VPS13B: variants seen among roughly 807,000 people sequenced by gnomAD.
VPS13B encodes vacuolar protein sorting 13 homolog B.
A neutral mutation model predicts 426.4 loss-of-function variants in VPS13B; 285 were observed. The observed-to-expected ratio is 0.67, with a 90% confidence interval of 0.61 to 0.74. The LOEUF (loss-of-function observed/expected upper bound fraction) is 0.74, where lower values mean the gene tolerates loss of function less well. Ranked by LOEUF, VPS13B falls within the 30% of genes least tolerant of loss-of-function variation. The probability of loss-of-function intolerance (pLI) is 0.00; values close to 1 mark genes in which losing one functional copy is unlikely to be tolerated. For missense variants in VPS13B, 4,537 were observed against 4,782.6 expected, an observed-to-expected ratio of 0.95 and a Z score of 1.51; for synonymous variants, 1,676 against 1,676.4, an observed-to-expected ratio of 1.00 and a Z score of 0.01.
chr8:99,419,266 T>A (rs1460006935), intron 21 of VPS13B, among the ~76,000 whole-genome samples: 2 of 152,198 alleles, frequency 1.3e-5, no homozygotes, highest in African/African-American at 4.8e-5. Context: ...TGCTTCCCCT[T>A]CACCTTCCAC....
chr8:99,445,552 A>G (rs1172414496), intron 23 of VPS13B, among the ~76,000 whole-genome samples: 1 of 150,340 alleles, frequency 6.7e-6, no homozygotes, highest in Non-Finnish European at 1.5e-5. Flanking sequence ...GTATAAATAT[A>G]TGTAAATATA....
chr8:99,185,594 G>T (rs1225093698), intron 16 of VPS13B, among the ~76,000 whole-genome samples: 1 of 152,042 alleles, frequency 6.6e-6, no homozygotes, highest in East Asian at 1.9e-4. Flanking sequence ...TTTGCATTTT[G>T]GGACTCTATA....
chr8:99,387,442 A>G (rs972559642), intron 20 of VPS13B, among the ~76,000 whole-genome samples: 1 of 151,962 alleles, frequency 6.6e-6, no homozygotes, highest in Non-Finnish European at 1.5e-5. Context: ...CGGCTCGTCT[A>G]AAACTCCTAG....
At chr8:99,520,233 A>G (rs531503613) in intron 29 of VPS13B, among the ~76,000 whole-genome samples, 1 of 152,278 alleles carries the variant, frequency 6.6e-6, no homozygotes, top group Non-Finnish European at 1.5e-5. Context: ...TTTCTAAAGC[A>G]ATTTTACAGT....
In VPS13B at chr8:99,105,783, G is replaced by A. The variant is rs942463900; in HGVS notation, c.580+2663G>A. Among the ~76,000 whole-genome samples, 9 of 152,238 alleles carry A rather than the reference G, an allele frequency of 5.9e-5. No homozygotes were observed. The East Asian group carries it at 1.5e-3, about 26-fold the overall frequency. The stretch of plus-strand genomic sequence containing the variant: ...TTGGGAAATTATTTATAGTGAATTA[G>A]AATTCTGGATCAGGAGTTGGAAGAT... On this transcript the variant is annotated intron_variant, in intron 5 of 61. Transcript: ENST00000357162.
At chr8:99,538,235 G>A (rs895935101) in intron 30 of VPS13B, among the ~76,000 whole-genome samples, 1 of 152,156 alleles carries the variant, frequency 6.6e-6, no homozygotes, top group Non-Finnish European at 1.5e-5. Context: ...TACCTTTAAT[G>A]AAACAAAATG....
chr8:99,780,251 G>A (rs1012856796), intron 42 of VPS13B, among the ~76,000 whole-genome samples: 5 of 151,998 alleles, frequency 3.3e-5, no homozygotes, highest in African/African-American at 1.2e-4. Flanking sequence ...TTTTTTGGTT[G>A]TATTTTGAAC....
rs181981579 is a variant in VPS13B at position 99,507,284 on chromosome 8, G to A, written c.4224+81G>A. The A allele has an allele frequency of 6.4e-6, 9 of 1,415,776 alleles. No homozygotes were observed. In the East Asian group the frequency reaches 1.6e-4, roughly 25 times the overall value. 87.7% of individuals were successfully genotyped at this position (1,415,776 alleles called of 1,614,324 possible). On this transcript the variant is annotated intron_variant, in intron 28 of 61. Coordinates refer to ENST00000357162, the MANE Select transcript of VPS13B (RefSeq NM_152564.5). ...TGTTATTTCATAAAATAGGACTAAT[G>A]GTTACAAGAATTTGAGTTCAGAATA...
intron 33 of VPS13B, among the ~76,000 whole-genome samples, chr8:99,589,264 TTACATG>T (rs1175704806): frequency 1.3e-5 from 2 of 151,716 alleles, no homozygotes; most frequent in African/African-American, 4.9e-5. Context: ...TGCAGGTTTG[TTACATG>T]TGTATATATG....
intron 30 of VPS13B, among the ~76,000 whole-genome samples, chr8:99,546,742 ATG>A (rs1382419077): frequency 2.6e-5 from 4 of 152,082 alleles, no homozygotes; most frequent in Non-Finnish European, 5.9e-5. Context: ...AAATGAAAGA[ATG>A]TAATTAAAGA....
At chr8:99,263,128 CA>C (rs1818136008) in intron 17 of VPS13B, among the ~76,000 whole-genome samples, 1 of 152,078 alleles carries the variant, frequency 6.6e-6, no homozygotes, top group South Asian at 2.1e-4. Flanking sequence ...ACAAAAAGAG[CA>C]GTCTTCTGGC....
chr8:99,349,608 A>G (rs1413439386), intron 19 of VPS13B, among the ~76,000 whole-genome samples: 1 of 152,158 alleles, frequency 6.6e-6, no homozygotes, highest in Non-Finnish European at 1.5e-5. Context: ...CTGAAATTTG[A>G]ATGTAGCTGA....
chr8:99,103,260 T>C, intron 5 of VPS13B, 140 bp downstream of exon 5: 1 of 928,862 alleles, frequency 1.1e-6, no homozygotes, highest in Non-Finnish European at 1.7e-6. Flanking sequence ...AAAATGCACA[T>C]ATACAAAATG....
chr8:99,521,779 A>G (rs894330554), intron 30 of VPS13B, among the ~76,000 whole-genome samples: 3 of 152,170 alleles, frequency 2.0e-5, no homozygotes, highest in African/African-American at 7.2e-5. Context: ...TCTCCAGTAA[A>G]TGTTACTGCT....
intron 21 of VPS13B, among the ~76,000 whole-genome samples, chr8:99,406,054 A>G (rs949406474): frequency 1.3e-5 from 2 of 152,146 alleles, no homozygotes; most frequent in Non-Finnish European, 1.5e-5. Flanking sequence ...CTTGGATTAC[A>G]GGCGTGAGCC....
At chr8:99,554,467 A>G (rs1307361447) in intron 30 of VPS13B, among the ~76,000 whole-genome samples, 1 of 152,144 alleles carries the variant, frequency 6.6e-6, no homozygotes, top group Non-Finnish European at 1.5e-5. Flanking sequence ...CTGTGTACAG[A>G]TAGGTTCTCC....
intron 55 of VPS13B, among the ~76,000 whole-genome samples, chr8:99,851,508 A>C (rs1396484038): frequency 1.3e-5 from 2 of 152,178 alleles, no homozygotes; most frequent in Non-Finnish European, 2.9e-5. Flanking sequence ...GGGACTGGGA[A>C]AGTGTAGTTT....
At chr8:99,397,534 T>G (rs1814801598) in intron 21 of VPS13B, among the ~76,000 whole-genome samples, 1 of 152,214 alleles carries the variant, frequency 6.6e-6, no homozygotes. Flanking sequence ...ATATATTGTT[T>G]AGGCTTAAGT....
At chr8:99,033,118 A>T (rs1177724296) in intron 2 of VPS13B, among the ~76,000 whole-genome samples, 1 of 152,202 alleles carries the variant, frequency 6.6e-6, no homozygotes, top group Non-Finnish European at 1.5e-5. Context: ...CTAGTCACCA[A>T]CATAATTACC....
Sources: allele counts gnomAD v4.1 joint callset (sites outside exome capture counted in the v4.1 genomes callset), GRCh38; gene constraint gnomAD v4.1.1; transcripts MANE v1.5; gene names NCBI Gene and HGNC (gene_info 2026-07-23, HGNC 2026-07-21).